MARCHF8: variants seen among roughly 807,000 people sequenced by gnomAD.
The protein encoded by MARCHF8 is E3 ubiquitin-protein ligase MARCHF8.
MARCHF8 carries 40 observed loss-of-function variants against 51.6 expected under a neutral mutation model. That is an observed-to-expected ratio of 0.77 (90% CI 0.60 to 1.01). MARCHF8 has a LOEUF of 1.01. Ranked by LOEUF, MARCHF8 falls within the 50% of genes least tolerant of loss-of-function variation. The pLI, the probability that MARCHF8 is intolerant of heterozygous loss-of-function variation, is 0.00. For missense variants in MARCHF8, 685 were observed against 708.6 expected (o/e 0.97, Z 0.38); for synonymous variants, 263 against 280.3 (o/e 0.94, Z 0.62).
At chr10:45,573,197 T>C (rs1443949351) in intron 1 of MARCHF8, among the ~76,000 whole-genome samples, 1 of 152,102 alleles carries the variant, frequency 6.6e-6, no homozygotes, top group Non-Finnish European at 1.5e-5. Context: ...CAGAAGGCCA[T>C]CTCATTCTAA....
At chr10:45,582,428 T>A (rs2044565758) in intron 1 of MARCHF8, among the ~76,000 whole-genome samples, 1 of 152,166 alleles carries the variant, frequency 6.6e-6, no homozygotes, top group South Asian at 2.1e-4. Context: ...CTCCAAGTTG[T>A]AAAATGCACT....
At chr10:45,476,100 C>G (rs1409799017) in intron 3 of MARCHF8, among the ~76,000 whole-genome samples, 2 of 152,148 alleles carry the variant, frequency 1.3e-5, no homozygotes, top group Non-Finnish European at 2.9e-5. Flanking sequence ...ATTAAGAAAA[C>G]TAGAAGAGAC....
chr10:45,521,630 T>C (rs545263412), intron 2 of MARCHF8, among the ~76,000 whole-genome samples: 2 of 152,356 alleles, frequency 1.3e-5, no homozygotes, highest in Admixed American at 6.5e-5. Flanking sequence ...TTTAAAATTA[T>C]ATGAATACCT....
At chr10:45,542,649 ACAATT>A (rs1322236230) in intron 1 of MARCHF8, among the ~76,000 whole-genome samples, 1 of 152,192 alleles carries the variant, frequency 6.6e-6, no homozygotes, top group Non-Finnish European at 1.5e-5. Flanking sequence ...GTATGGGCTT[ACAATT>A]CATTTTTCAA....
At position 45,533,189 on chromosome 10, in the gene MARCHF8, A is replaced by T; in HGVS notation, c.23T>A (p.Ile8Asn). Residue 8 changes from isoleucine to asparagine, a missense_variant, in exon 2 of 8, where the codon ATC becomes AAC. Ile to Asn is a moderately radical substitution (Grantham distance 149). Transcript: ENST00000453424. MSMPLHQ[I>N]SAIPSQDAIS... ...GGCATCCTGGGATGGAATGGCAGAGATCTGATGCAGTGGCATGCTCATCCC... is the reference window on the plus strand; with the variant it reads ...GGCATCCTGGGATGGAATGGCAGAGTTCTGATGCAGTGGCATGCTCATCCC... 6.2e-7 allele frequency: 1 copy of T among 1,611,766 alleles called. No homozygotes were observed.
intron 1 of MARCHF8, among the ~76,000 whole-genome samples, chr10:45,577,506 G>A (rs889798596): frequency 1.1e-4 from 17 of 151,892 alleles, no homozygotes; most frequent in Non-Finnish European, 7.4e-5. Context: ...CCTACTATGT[G>A]CCCACAAAAA....
At chr10:45,459,911 T>C (rs1842732863) in intron 6 of MARCHF8, 2 of 985,080 alleles carry the variant, frequency 2.0e-6, no homozygotes, top group Non-Finnish European at 2.4e-6. Flanking sequence ...CACATAAAGG[T>C]AGAGAGAAAG....
At chr10:45,541,134 G>A (rs564316303) in intron 1 of MARCHF8, among the ~76,000 whole-genome samples, 5 of 152,168 alleles carry the variant, frequency 3.3e-5, no homozygotes, top group East Asian at 1.9e-4. Flanking sequence ...TGTTTATTGC[G>A]GCACTATTCA....
chr10:45,458,113 A>G lies in MARCHF8; in HGVS notation c.*126T>C, dbSNP rs1842662674. ...ACTAAGGAGGGTTTAGAAAAAGAGA[A>G]GCCACTATAAATAGTCACCTGTCCA... On this transcript the variant is annotated 3_prime_UTR_variant, in exon 8 of 8. Coordinates refer to ENST00000453424, the MANE Select transcript of MARCHF8 (RefSeq NM_001282866.2). 21 of 1,009,324 alleles carry G rather than the reference A, an allele frequency of 2.1e-5. No individual in the cohort carries two copies. In the South Asian group the frequency reaches 3.8e-4, roughly 18 times the overall value. 62.5% of individuals were successfully genotyped at this position (1,009,324 alleles called of 1,614,324 possible). A position where few individuals can be genotyped will look rare whatever the true frequency, so the allele number is the denominator to read the frequency against.
chr10:45,584,126 C>CATATAT (rs55978063), intron 1 of MARCHF8, among the ~76,000 whole-genome samples: 2,365 of 85,096 alleles, frequency 0.028, 82 homozygotes, highest in Non-Finnish European at 0.031. Context: ...TATATACAAT[C>CATATAT]ATATATATAT....
At chr10:45,500,116 T>C (rs1312962788) in intron 2 of MARCHF8, among the ~76,000 whole-genome samples, 1 of 152,206 alleles carries the variant, frequency 6.6e-6, no homozygotes, top group African/African-American at 2.4e-5. Flanking sequence ...TTCATCAATA[T>C]ATAGTAGTTT....
intron 1 of MARCHF8, among the ~76,000 whole-genome samples, chr10:45,579,166 T>C (rs1399536058): frequency 6.6e-6 from 1 of 152,062 alleles, no homozygotes; most frequent in Non-Finnish European, 1.5e-5. Flanking sequence ...CTTATACAAC[T>C]TAAACTCAAA....
rs926486068 is a variant in MARCHF8 at position 45,573,660 on chromosome 10, T to A, written c.-79+20575A>T. ...CTGACTGACTCCTTCCCAGATCTTCTCAGCTTCGTGGCTAAAGACTGATGC... is the reference window on the plus strand; with the variant it reads ...CTGACTGACTCCTTCCCAGATCTTCACAGCTTCGTGGCTAAAGACTGATGC... On this transcript the variant is annotated intron_variant, in intron 1 of 6. Transcript: ENST00000319836. Among the ~76,000 whole-genome samples, 7 of 152,304 alleles carry A rather than the reference T, an allele frequency of 4.6e-5. No homozygotes were observed. The South Asian group carries it at 1.5e-3, about 32-fold the overall frequency.
At chr10:45,549,694 G>A (rs1564513110) in intron 1 of MARCHF8, among the ~76,000 whole-genome samples, 1 of 152,212 alleles carries the variant, frequency 6.6e-6, no homozygotes, top group Non-Finnish European at 1.5e-5. Context: ...AAGCCATGAG[G>A]GCTCTGCCCT....
chr10:45,472,029 C>CT (rs2042700501), intron 3 of MARCHF8, among the ~76,000 whole-genome samples: 1 of 152,250 alleles, frequency 6.6e-6, no homozygotes, highest in Non-Finnish European at 1.5e-5. Flanking sequence ...GCACAGAACT[C>CT]TAAGAGCGAA....
intron 6 of MARCHF8, among the ~76,000 whole-genome samples, chr10:45,460,056 C>T (rs1420553510): frequency 6.6e-6 from 1 of 152,172 alleles, no homozygotes; most frequent in Non-Finnish European, 1.5e-5. Flanking sequence ...AGAGTAGGCA[C>T]CCAATAAATT....
At chr10:45,523,469 A>G (rs2043742297) in intron 2 of MARCHF8, among the ~76,000 whole-genome samples, 1 of 152,240 alleles carries the variant, frequency 6.6e-6, no homozygotes, top group Non-Finnish European at 1.5e-5. Context: ...GGCTGCAGTG[A>G]GCTATGATCA....
At chr10:45,525,396 G>A (rs1259156629) in intron 2 of MARCHF8, among the ~76,000 whole-genome samples, 1 of 152,090 alleles carries the variant, frequency 6.6e-6, no homozygotes. Context: ...AGGAATCCTG[G>A]GATACAGATC....
intron 3 of MARCHF8, among the ~76,000 whole-genome samples, chr10:45,475,292 C>G (rs1023696059): frequency 6.6e-6 from 1 of 152,344 alleles, no homozygotes; most frequent in East Asian, 1.9e-4. Flanking sequence ...CAACCCCACT[C>G]TCCCCAGTAG....
Sources: allele counts gnomAD v4.1 joint callset (sites outside exome capture counted in the v4.1 genomes callset), GRCh38; gene constraint gnomAD v4.1.1; transcripts MANE v1.5; gene names NCBI Gene and HGNC (gene_info 2026-07-23, HGNC 2026-07-21).